The following PCSK2 variants were observed in gnomAD, a reference collection of about 807,000 sequenced individuals.
PCSK2 encodes the protein proprotein convertase subtilisin/kexin type 2.
In PCSK2, 14 loss-of-function variants were observed where a neutral mutation model predicts 69.7. That is an observed-to-expected ratio of 0.20 (90% CI 0.13 to 0.31). PCSK2 has a LOEUF of 0.31. Among genes scored for constraint, PCSK2 ranks in the 10% least tolerant of loss-of-function variants. PCSK2 has a pLI of 1.00. For missense variants in PCSK2, 544 were observed against 842.5 expected, an observed-to-expected ratio of 0.65 and a Z score of 4.39; for synonymous variants, 307 against 320.7, an observed-to-expected ratio of 0.96 and a Z score of 0.46.
rs185538199 is a variant in PCSK2 at position 17,361,909 on chromosome 20, A to G, written c.505+1269A>G. Among the ~76,000 whole-genome samples the G allele has an allele frequency of 1.4e-3, 209 of 152,270 alleles. 4 individuals carry two copies. The highest frequency in any genetic ancestry group is 0.013 in the Admixed American group (200 of 15,294). ...CACTTGTTCTTGAAAACTGTTCCAA[A>G]GGGGTTCAGGCCAGCTCACCCAGGA... is the stretch of plus-strand genomic sequence containing the variant. On this transcript the variant is annotated intron_variant, in intron 4 of 11. Coordinates refer to ENST00000262545, the MANE Select transcript of PCSK2 (RefSeq NM_002594.5).
chr20:17,275,518 C>A (rs569420879), intron 2 of PCSK2, among the ~76,000 whole-genome samples: 1 of 152,090 alleles, frequency 6.6e-6, no homozygotes, highest in Non-Finnish European at 1.5e-5. Flanking sequence ...AAACTGTGGA[C>A]TTTTACTATT....
At chr20:17,449,795 G>A (rs908395103) in intron 8 of PCSK2, among the ~76,000 whole-genome samples, 4 of 151,820 alleles carry the variant, frequency 2.6e-5, no homozygotes, top group Admixed American at 2.0e-4. Context: ...CCAAAGTGCT[G>A]GGATTACAGG....
At chr20:17,479,353 C>T in intron 11 of PCSK2, 1 of 725,142 alleles carries the variant, frequency 1.4e-6, no homozygotes, top group Middle Eastern at 2.4e-4. Flanking sequence ...AAAACCCCGT[C>T]TGCACATTCT....
At chr20:17,338,997 C>T (rs1221306980) in intron 2 of PCSK2, among the ~76,000 whole-genome samples, 1 of 152,130 alleles carries the variant, frequency 6.6e-6, no homozygotes, top group Non-Finnish European at 1.5e-5. Flanking sequence ...TTTGTGGCCT[C>T]ATCAAGGAAT....
chr20:17,301,977 T>C (rs927335080), intron 2 of PCSK2, among the ~76,000 whole-genome samples: 3 of 152,060 alleles, frequency 2.0e-5, no homozygotes, highest in African/African-American at 7.2e-5. Context: ...TCAATTTACA[T>C]ACTTGGTACA....
chr20:17,411,286 C>T (rs6136086), intron 6 of PCSK2, among the ~76,000 whole-genome samples: 97,099 of 152,070 alleles, frequency 0.64, 31,201 homozygotes, highest in Middle Eastern at 0.72. Context: ...CAAAGGAAGC[C>T]GTGACAGACT....
intron 2 of PCSK2, among the ~76,000 whole-genome samples, chr20:17,297,745 ACTT>A (rs1988945055): frequency 6.6e-6 from 1 of 152,168 alleles, no homozygotes; most frequent in Admixed American, 6.5e-5. Flanking sequence ...CTTTGAGTCT[ACTT>A]CTTCCAGGAT....
At chr20:17,394,542 C>A (rs562054897) in intron 5 of PCSK2, among the ~76,000 whole-genome samples, 5 of 152,062 alleles carry the variant, frequency 3.3e-5, no homozygotes, top group Non-Finnish European at 5.9e-5. Flanking sequence ...CAGGGAGGCA[C>A]GGGGGTTGGA....
At chr20:17,410,552 C>T (rs1470378858) in intron 6 of PCSK2, among the ~76,000 whole-genome samples, 1 of 152,166 alleles carries the variant, frequency 6.6e-6, no homozygotes, top group Non-Finnish European at 1.5e-5. Context: ...AAGATCATTG[C>T]TGATGTCGGA....
rs555490405 is a variant in PCSK2, at chr20:17,478,624, CTAAG to C, written c.1431-2958_1431-2955del. ...ACTTTCCACTAAATATTGTGTACAA[CTAAG>C]TGAGGGGAAGAAAGTTTTAAAAAAT... is the stretch of plus-strand genomic sequence containing the variant. On this transcript the variant is annotated intron_variant, in intron 11 of 11. Transcript: ENST00000262545. Among the ~76,000 whole-genome samples, 335 of 152,166 alleles carry C rather than the reference CTAAG, an allele frequency of 2.2e-3. 1 individual carries two copies. The highest frequency in any genetic ancestry group is 7.3e-3 in the African/African-American group (302 of 41,508).
intron 5 of PCSK2, among the ~76,000 whole-genome samples, chr20:17,380,588 T>C (rs975472290): frequency 6.6e-6 from 1 of 152,162 alleles, no homozygotes; most frequent in African/African-American, 2.4e-5. Context: ...TTGTGATAAT[T>C]CAATTCAGTA....
chr20:17,378,610 TGGATGGATGGATGG>T (rs1568625095), intron 5 of PCSK2, among the ~76,000 whole-genome samples: 2 of 144,526 alleles, frequency 1.4e-5, no homozygotes, highest in Non-Finnish European at 3.1e-5. Flanking sequence ...GATGGATGGA[TGGATGGATGGATGG>T]ATGGATGGAT....
chr20:17,261,895 A>G (rs1018218541), intron 2 of PCSK2, among the ~76,000 whole-genome samples: 7 of 152,332 alleles, frequency 4.6e-5, no homozygotes, highest in African/African-American at 1.7e-4. Context: ...TCCACGATTA[A>G]AGGCGTTGCT....
intron 2 of PCSK2, among the ~76,000 whole-genome samples, chr20:17,302,232 A>G (rs1414754192): frequency 6.6e-6 from 1 of 152,144 alleles, no homozygotes; most frequent in Non-Finnish European, 1.5e-5. Flanking sequence ...TTCGAATTCC[A>G]TGACCCTATA....
chr20:17,327,380 G>A (rs1568604725), intron 2 of PCSK2, among the ~76,000 whole-genome samples: 1 of 152,180 alleles, frequency 6.6e-6, no homozygotes, highest in East Asian at 1.9e-4. Flanking sequence ...TCAGGACACA[G>A]GACATAAGCA....
intron 5 of PCSK2, among the ~76,000 whole-genome samples, chr20:17,405,800 C>G (rs2031738989): frequency 6.6e-6 from 1 of 152,058 alleles, no homozygotes. Context: ...GTGCATTAAA[C>G]TTTTAGAAGA....
chr20:17,445,134 G>C (rs536241592), intron 8 of PCSK2, among the ~76,000 whole-genome samples: 9 of 152,332 alleles, frequency 5.9e-5, no homozygotes, highest in Middle Eastern at 3.4e-3. Context: ...TGTGTTTACT[G>C]TTCAGGAAAA....
At chr20:17,430,619 A>G (rs181676868) in intron 7 of PCSK2, among the ~76,000 whole-genome samples, 1 of 152,348 alleles carries the variant, frequency 6.6e-6, no homozygotes, top group African/African-American at 2.4e-5. Context: ...GAGGAGGCTT[A>G]GCCCCTGGGT....
At chr20:17,290,867 C>A (rs1988672060) in intron 2 of PCSK2, among the ~76,000 whole-genome samples, 1 of 152,052 alleles carries the variant, frequency 6.6e-6, no homozygotes, top group Non-Finnish European at 1.5e-5. Flanking sequence ...GGTGGAAGGG[C>A]AAGCAAGCAT....
Sources: gnomAD v4.1 joint callset for allele counts (sites outside exome capture counted in the v4.1 genomes callset) on GRCh38, gnomAD v4.1.1 for gene constraint, MANE v1.5 for transcripts, NCBI Gene and HGNC (gene_info 2026-07-23, HGNC 2026-07-21) for gene names.